The following KCNJ12 variants were observed in gnomAD, a reference collection of about 807,000 sequenced individuals.
The protein encoded by KCNJ12 is potassium inwardly rectifying channel subfamily J member 12, also known as ATP-sensitive inward rectifier potassium channel 12.
In KCNJ12, 2 loss-of-function variants were observed where a neutral mutation model predicts 22.3. The observed-to-expected ratio is 0.09, with a 90% confidence interval of 0.04 to 0.28. The LOEUF is 0.28. Among genes scored for constraint, KCNJ12 ranks in the 10% least tolerant of loss-of-function variants. The pLI, the probability that KCNJ12 is intolerant of heterozygous loss-of-function variation, is 1.00. For missense variants in KCNJ12, 155 were observed against 633.3 expected (o/e 0.24, Z 8.11); for synonymous variants, 117 against 261.4 (o/e 0.45, Z 5.33).
chr17:21,391,903 TG>T (rs1480420798), intron 1 of KCNJ12, among the ~76,000 whole-genome samples: 1 of 152,162 alleles, frequency 6.6e-6, no homozygotes, highest in Non-Finnish European at 1.5e-5. Flanking sequence ...GGGCCAAGTG[TG>T]GGGTCATGTC....
intron 1 of KCNJ12, among the ~76,000 whole-genome samples, 152 bp from the exon 2 acceptor site, chr17:21,408,367 T>G (rs1177100248): frequency 5.9e-5 from 9 of 152,264 alleles, no homozygotes; most frequent in Non-Finnish European, 1.2e-4. Context: ...GTGTGGGGCA[T>G]CAAAGGTGCA....
rs554652066 is a variant in KCNJ12, at chr17:21,401,285, C to T, written c.-178-7234C>T. 4.8e-3 allele frequency among the ~76,000 whole-genome samples: 732 copies of T among 152,348 alleles called. 6 individuals are homozygous for T. The highest frequency in any genetic ancestry group is 0.016 in the African/African-American group (676 of 41,576). On this transcript the variant is annotated intron_variant, in intron 1 of 2. Transcript: ENST00000583088. ...GTAGGGGAGAAGTGGTCGGGGTTGG[C>T]TGCATCCCCAGGCCCTCACACCTGG...
chr17:21,399,001 G>A lies in KCNJ12; in HGVS notation c.-178-9518G>A, dbSNP rs141447952. Among the ~76,000 whole-genome samples the A allele has an allele frequency of 3.6e-3, 548 of 152,336 alleles. 4 individuals are homozygous for A. Among genetic ancestry groups the A allele is most frequent in the African/African-American group, 0.012 (514 of 41,568 alleles). ...ATCCATAAATGTGTGCCTTAGGGGT[G>A]GAGCCCTGGCAGGAGCTGGGACCCA... On this transcript the variant is annotated intron_variant, in intron 1 of 2. Coordinates refer to ENST00000583088, the MANE Select transcript of KCNJ12 (RefSeq NM_021012.5).
chr17:21,414,325 G>A (rs1252018196), intron 2 of KCNJ12, among the ~76,000 whole-genome samples: 1 of 152,280 alleles, frequency 6.6e-6, no homozygotes, highest in Non-Finnish European at 1.5e-5. Context: ...AAATACAAAA[G>A]TTAGCTGGAT....
intron 1 of KCNJ12, among the ~76,000 whole-genome samples, chr17:21,382,519 G>A (rs1334137060): frequency 6.6e-6 from 1 of 151,932 alleles, no homozygotes; most frequent in Non-Finnish European, 1.5e-5. Context: ...TGACACCCAC[G>A]TTATAAAATG....
chr17:21,400,534 A>G, intron 1 of KCNJ12, among the ~76,000 whole-genome samples: 1 of 152,288 alleles, frequency 6.6e-6, no homozygotes, highest in Non-Finnish European at 1.5e-5. Context: ...AGAGCCTCAA[A>G]CGGGTTTGGT....
chr17:21,417,027 G>A lies in KCNJ12; in HGVS notation c.*383G>A. 3.1e-6 allele frequency: 1 copy of A among 323,510 alleles called. No homozygotes were observed. The highest frequency in any genetic ancestry group is 5.3e-5 in the East Asian group (1 of 19,010). 20.0% of individuals were successfully genotyped at this position (323,510 alleles called of 1,614,324 possible). A position where few individuals can be genotyped will look rare whatever the true frequency, so the allele number is the denominator to read the frequency against. Reference sequence around the variant, plus strand: ...TGCTCCTTGCTGGTTTTTAACTTGGGGAGAAACACCGGGTTTCAGCTTTCT... The same window carrying A: ...TGCTCCTTGCTGGTTTTTAACTTGGAGAGAAACACCGGGTTTCAGCTTTCT... On this transcript the variant is annotated 3_prime_UTR_variant, in exon 3 of 3. Coordinates refer to ENST00000583088, the MANE Select transcript of KCNJ12 (RefSeq NM_021012.5).
intron 1 of KCNJ12, among the ~76,000 whole-genome samples, chr17:21,396,698 C>T (rs558418500): frequency 6.6e-6 from 1 of 152,326 alleles, no homozygotes; most frequent in South Asian, 2.1e-4. Flanking sequence ...GATTCAAGGG[C>T]TCTTCACAGT....
chr17:21,412,851 G>A (rs1906447085), intron 2 of KCNJ12, among the ~76,000 whole-genome samples: 1 of 152,270 alleles, frequency 6.6e-6, no homozygotes, highest in African/African-American at 2.4e-5. Flanking sequence ...CTGCTTAATG[G>A]CTGTGTGGCC....
chr17:21,411,400 C>G (rs1906338752), intron 2 of KCNJ12, among the ~76,000 whole-genome samples: 2 of 152,162 alleles, frequency 1.3e-5, no homozygotes, highest in African/African-American at 2.4e-5. Flanking sequence ...GGCCCGTGCT[C>G]TCTCCCCACT....
Position 21,391,806 on chromosome 17 carries a change from C to A in KCNJ12, c.-179+14893C>A, listed in dbSNP as rs73981180. ...CTCCCATCTACCTCGAGCCTGTGGT[C>A]CCCCCACCCCAGTCTCCTCGTCACT... On this transcript the variant is annotated intron_variant, in intron 1 of 2. Transcript: ENST00000583088. Among the ~76,000 whole-genome samples, 1,016 of 152,288 alleles carry A rather than the reference C, an allele frequency of 6.7e-3. 10 individuals are homozygous for A. Among genetic ancestry groups the A allele is most frequent in the African/African-American group, 0.023 (972 of 41,546 alleles).
At chr17:21,385,071 G>A (rs148481494) in intron 1 of KCNJ12, among the ~76,000 whole-genome samples, 403 of 152,254 alleles carry the variant, frequency 2.6e-3, no homozygotes, top group African/African-American at 9.3e-3. Flanking sequence ...CACCGTGCCC[G>A]ACCCAGGAAT....
intron 1 of KCNJ12, among the ~76,000 whole-genome samples, chr17:21,391,584 C>T (rs890257729): frequency 6.6e-6 from 1 of 152,264 alleles, no homozygotes; most frequent in African/African-American, 2.4e-5. Flanking sequence ...GCGCTCCGCC[C>T]AGCCCTCTTC....
At chr17:21,386,794 C>T (rs1056245573) in intron 1 of KCNJ12, among the ~76,000 whole-genome samples, 1 of 152,186 alleles carries the variant, frequency 6.6e-6, no homozygotes, top group Non-Finnish European at 1.5e-5. Context: ...GTGTGAATCA[C>T]CGCGCCAGGA....
rs1459981566 is a variant in KCNJ12 at position 21,419,008 on chromosome 17, C to T, written c.*2364C>T. On this transcript the variant is annotated 3_prime_UTR_variant, in exon 3 of 3. Coordinates refer to ENST00000583088, the MANE Select transcript of KCNJ12 (RefSeq NM_021012.5). ...AGAGCAGCCCCAGCGCCTCATCTCCCCAAAGGCGGCAGATGCTTGATTCTC... is the reference window on the plus strand; with the variant it reads ...AGAGCAGCCCCAGCGCCTCATCTCCTCAAAGGCGGCAGATGCTTGATTCTC... 1 of 167,070 alleles carries T rather than the reference C, an allele frequency of 6.0e-6. No homozygotes were observed. The highest frequency in any genetic ancestry group is 1.5e-5 in the Non-Finnish European group (1 of 68,146). 10.3% of individuals were successfully genotyped at this position (167,070 alleles called of 1,614,324 possible).
intron 1 of KCNJ12, among the ~76,000 whole-genome samples, chr17:21,381,443 A>T (rs1904864255): frequency 2.0e-5 from 3 of 151,852 alleles, no homozygotes; most frequent in Admixed American, 2.0e-4. Flanking sequence ...AGGGCCCTGC[A>T]CAGTCTGGCC....
At chr17:21,395,530 G>T (rs1174190312) in intron 1 of KCNJ12, among the ~76,000 whole-genome samples, 1 of 112,984 alleles carries the variant, frequency 8.9e-6, no homozygotes, top group Non-Finnish European at 1.6e-5. Context: ...GCAGTGAGCC[G>T]AGATCGCACC....
At chr17:21,406,910 C>G (rs1244905368) in intron 1 of KCNJ12, among the ~76,000 whole-genome samples, 172 of 152,338 alleles carry the variant, frequency 1.1e-3, no homozygotes, top group Middle Eastern at 6.8e-3. Flanking sequence ...CCCTTCCCAC[C>G]AACCTCTTCT....
chr17:21,381,110 T>G (rs1185021566), intron 1 of KCNJ12, among the ~76,000 whole-genome samples: 1 of 152,206 alleles, frequency 6.6e-6, no homozygotes, highest in Non-Finnish European at 1.5e-5. Flanking sequence ...CAGTTCCGCC[T>G]TGGCTGTGCA....
Sources: gnomAD v4.1 joint callset for allele counts (sites outside exome capture counted in the v4.1 genomes callset) on GRCh38, gnomAD v4.1.1 for gene constraint, MANE v1.5 for transcripts, NCBI Gene and HGNC (gene_info 2026-07-23, HGNC 2026-07-21) for gene names.